RBMS1: variants seen among roughly 807,000 people sequenced by gnomAD.
RBMS1 encodes the protein RNA-binding motif, single-stranded-interacting protein 1.
A neutral mutation model predicts 62.3 loss-of-function variants in RBMS1; 17 were observed. The ratio of observed to expected loss-of-function variants is 0.27; its 90% confidence interval spans 0.19 to 0.41. RBMS1 has a LOEUF of 0.41. RBMS1 is among the 10% of genes least tolerant of loss of function. The probability of loss-of-function intolerance (pLI) is 1.00; values close to 1 mark genes in which losing one functional copy is unlikely to be tolerated. For synonymous variants in RBMS1, 172 were observed against 170.0 expected (o/e 1.01, Z -0.09); for missense variants, 334 against 504.5 (o/e 0.66, Z 3.24).
At chr2:160,373,888 G>C (rs1693860649) in intron 1 of RBMS1, among the ~76,000 whole-genome samples, 1 of 152,172 alleles carries the variant, frequency 6.6e-6, no homozygotes, top group Admixed American at 6.5e-5. Context: ...GAAGATCAGG[G>C]AGGAGGGAGG....
intron 1 of RBMS1, among the ~76,000 whole-genome samples, chr2:160,390,919 C>A (rs1429952762): frequency 6.6e-6 from 1 of 151,284 alleles, no homozygotes; most frequent in Non-Finnish European, 1.5e-5. Context: ...TTTCCATATA[C>A]ATTATGTACA....
At chr2:160,358,764 A>G (rs1271423153) in intron 2 of RBMS1, among the ~76,000 whole-genome samples, 1 of 152,168 alleles carries the variant, frequency 6.6e-6, no homozygotes, top group Non-Finnish European at 1.5e-5. Flanking sequence ...ATTTTTTACC[A>G]GTCAATAAAG....
At chr2:160,460,055 C>G (rs1404446947) in intron 1 of RBMS1, among the ~76,000 whole-genome samples, 1 of 152,204 alleles carries the variant, frequency 6.6e-6, no homozygotes, top group Admixed American at 6.5e-5. Context: ...AAACTAACCT[C>G]TGGGCCCACA....
chr2:160,278,265 T>C (rs1687935617), intron 11 of RBMS1: 2 of 419,626 alleles, frequency 4.8e-6, no homozygotes, highest in South Asian at 2.6e-5. Context: ...ACAGGGACAG[T>C]GGTACTAGTT....
chr2:160,390,508 T>C (rs563752234), intron 1 of RBMS1, among the ~76,000 whole-genome samples: 1 of 152,112 alleles, frequency 6.6e-6, no homozygotes. Context: ...GTGGGCAGCA[T>C]GGTAAGACCT....
At chr2:160,323,600 AATTTC>A (rs1214918211) in intron 2 of RBMS1, among the ~76,000 whole-genome samples, 15 of 134,578 alleles carry the variant, frequency 1.1e-4, no homozygotes, top group African/African-American at 4.2e-4. Context: ...CATGATGTAG[AATTTC>A]ATGAAAGAAA....
rs569580064 is a variant in RBMS1, at chr2:160,465,888, A to ACACACACACACACACACACACT, written c.75+27400_75+27401insAGTGTGTGTGTGTGTGTGTGTG. The stretch of plus-strand genomic sequence containing the variant: ...CATACACACACACACACACACACAC[A>ACACACACACACACACACACACT]CTCTCACATTTCTAGAATTTCAATC... On this transcript the variant is annotated intron_variant, in intron 1 of 13. Transcript: ENST00000348849. Among the ~76,000 whole-genome samples the ACACACACACACACACACACACT allele has an allele frequency of 6.9e-3, 1,008 of 145,336 alleles. 5 individuals carry two copies. Among genetic ancestry groups the ACACACACACACACACACACACT allele is most frequent in the Non-Finnish European group, 0.012 (797 of 66,010 alleles).
intron 1 of RBMS1, among the ~76,000 whole-genome samples, chr2:160,410,221 CAAAAAA>C (rs575199475): frequency 0.028 from 1,877 of 67,966 alleles, 12 homozygotes; most frequent in African/African-American, 0.044. Context: ...GACCCCGTCT[CAAAAAA>C]AAAAAAAAAA....
chr2:160,365,795 G>A (rs1055236815), intron 2 of RBMS1, among the ~76,000 whole-genome samples: 4 of 152,054 alleles, frequency 2.6e-5, no homozygotes, highest in Non-Finnish European at 4.4e-5. Context: ...CTGTAATTAC[G>A]CTGCAAAAAC....
intron 1 of RBMS1, among the ~76,000 whole-genome samples, chr2:160,478,933 A>G (rs1348022335): frequency 6.6e-6 from 1 of 152,220 alleles, no homozygotes; most frequent in African/African-American, 2.4e-5. Flanking sequence ...AGCGCAGGGA[A>G]AAAAACAGAG....
At chr2:160,330,335 T>C (rs1459771531) in intron 2 of RBMS1, among the ~76,000 whole-genome samples, 1 of 152,174 alleles carries the variant, frequency 6.6e-6, no homozygotes, top group East Asian at 1.9e-4. Flanking sequence ...TATAGCTCTG[T>C]TCTTGGCCAG....
intron 2 of RBMS1, among the ~76,000 whole-genome samples, chr2:160,345,525 C>T (rs1692127620): frequency 6.6e-6 from 1 of 152,170 alleles, no homozygotes; most frequent in African/African-American, 2.4e-5. Context: ...ATATTCAGTG[C>T]ATTCTTAAAG....
intron 2 of RBMS1, among the ~76,000 whole-genome samples, chr2:160,340,357 C>A (rs12692593): frequency 0.18 from 28,099 of 152,030 alleles, 3,330 homozygotes; most frequent in Admixed American, 0.36. Flanking sequence ...ATATGAGACT[C>A]TGGAAGACTT....
intron 1 of RBMS1, among the ~76,000 whole-genome samples, chr2:160,394,351 A>G (rs577680706): frequency 2.0e-5 from 3 of 152,316 alleles, no homozygotes; most frequent in Admixed American, 1.3e-4. Flanking sequence ...CACAGAGTAA[A>G]TTCTGCATGC....
At chr2:160,486,689 G>A (rs1256913277) in intron 1 of RBMS1, among the ~76,000 whole-genome samples, 1 of 152,162 alleles carries the variant, frequency 6.6e-6, no homozygotes, top group Non-Finnish European at 1.5e-5. Flanking sequence ...AAAGCTGGCT[G>A]ATGACCAGAT....
At position 160,493,182 on chromosome 2, in the gene RBMS1, C is replaced by T. The variant is rs1685926253; in HGVS notation, c.75+107G>A. ...AGTTAGCAACCTTCCAGCAACTCCG[C>T]CCGGCGGTGGCGGGGGTTCGCCGCG... On this transcript the variant is annotated intron_variant, in intron 1 of 13. Coordinates refer to ENST00000348849, the MANE Select transcript of RBMS1 (RefSeq NM_016836.4). The T allele has an allele frequency of 4.5e-6, 5 of 1,119,588 alleles. No homozygotes were observed. The Admixed American group carries it at 8.9e-5, about 20-fold the overall frequency. 69.4% of individuals were successfully genotyped at this position (1,119,588 alleles called of 1,614,324 possible). A position where few individuals can be genotyped will look rare whatever the true frequency, so the allele number is the denominator to read the frequency against.
At chr2:160,344,653 AT>A (rs1692076015) in intron 2 of RBMS1, among the ~76,000 whole-genome samples, 1 of 152,182 alleles carries the variant, frequency 6.6e-6, no homozygotes, top group South Asian at 2.1e-4. Flanking sequence ...AACTGTGTTC[AT>A]TTTGCAACTA....
intron 1 of RBMS1, among the ~76,000 whole-genome samples, chr2:160,443,324 A>G (rs979533744): frequency 3.3e-5 from 5 of 152,136 alleles, no homozygotes; most frequent in Non-Finnish European, 7.4e-5. Context: ...GTATAATGAC[A>G]ATCATGAAAG....
intron 1 of RBMS1, among the ~76,000 whole-genome samples, chr2:160,417,565 C>T (rs1377587606): frequency 6.6e-6 from 1 of 152,130 alleles, no homozygotes; most frequent in Non-Finnish European, 1.5e-5. Flanking sequence ...ATCTAAGATA[C>T]CACTGATTGT....
Sources: gnomAD v4.1 joint callset for allele counts (sites outside exome capture counted in the v4.1 genomes callset) on GRCh38, gnomAD v4.1.1 for gene constraint, MANE v1.5 for transcripts, NCBI Gene and HGNC (gene_info 2026-07-23, HGNC 2026-07-21) for gene names.